The following CDC42BPB variants were observed in gnomAD, a reference collection of about 807,000 sequenced individuals.
CDC42BPB encodes serine/threonine-protein kinase MRCK beta.
CDC42BPB carries 37 observed loss-of-function variants against 214.9 expected under a neutral mutation model. The ratio of observed to expected loss-of-function variants is 0.17; its 90% confidence interval spans 0.13 to 0.23. The LOEUF (loss-of-function observed/expected upper bound fraction) is 0.23. Ranked by LOEUF, CDC42BPB falls within the 10% of genes least tolerant of loss-of-function variation. The pLI is 1.00. For missense variants in CDC42BPB, 1,694 were observed against 2,227.0 expected, an observed-to-expected ratio of 0.76 and a Z score of 4.82; for synonymous variants, 931 against 884.0, an observed-to-expected ratio of 1.05 and a Z score of -0.94.
At chr14:102,966,960 C>A in intron 17 of CDC42BPB, 86 bp downstream of exon 17, 1 of 1,478,876 alleles carries the variant, frequency 6.8e-7, no homozygotes, top group Non-Finnish European at 9.2e-7. Flanking sequence ...TGGCGTGGAG[C>A]ACAGGATCAG....
chr14:102,998,546 G>C (rs1050711010), intron 5 of CDC42BPB, among the ~76,000 whole-genome samples: 1 of 152,216 alleles, frequency 6.6e-6, no homozygotes, highest in Non-Finnish European at 1.5e-5. Flanking sequence ...CTGAATCTTT[G>C]AGTCTCAGGA....
At chr14:102,947,903 C>T in intron 26 of CDC42BPB, 101 bp from the exon 27 acceptor site, 1 of 1,589,128 alleles carries the variant, frequency 6.3e-7, no homozygotes, top group Non-Finnish European at 8.5e-7. Context: ...CCTTCCACCA[C>T]CGTGTTCTGC....
chr14:103,036,918 G>C, intron 1 of CDC42BPB, among the ~76,000 whole-genome samples: 1 of 152,028 alleles, frequency 6.6e-6, no homozygotes, highest in East Asian at 1.9e-4. Context: ...CCAGGCTCAA[G>C]CAATTCTCCT....
At chr14:103,036,085 A>G (rs1047021397) in intron 1 of CDC42BPB, among the ~76,000 whole-genome samples, 1 of 152,126 alleles carries the variant, frequency 6.6e-6, no homozygotes, top group Non-Finnish European at 1.5e-5. Context: ...CAGGAGGTCA[A>G]GGCTGCAGTG....
chr14:102,975,328 A>C (rs1051639803), intron 11 of CDC42BPB, among the ~76,000 whole-genome samples: 7 of 152,228 alleles, frequency 4.6e-5, no homozygotes, highest in Non-Finnish European at 7.3e-5. Flanking sequence ...GTTCGAGACC[A>C]GCCTGGCCAA....
intron 5 of CDC42BPB, among the ~76,000 whole-genome samples, chr14:102,995,701 C>T (rs1344355064): frequency 6.6e-6 from 1 of 152,236 alleles, no homozygotes; most frequent in Non-Finnish European, 1.5e-5. Flanking sequence ...CCCCACAGCA[C>T]CCGACTAACC....
Position 102,983,744 on chromosome 14 carries a change from C to T in CDC42BPB, c.703G>A (p.Val235Met), listed in dbSNP as rs1184748794. The change falls in exon 7 of 37, where the codon GTG (valine) becomes ATG (methionine). Residue 235 changes from valine (V) to methionine (M), a missense_variant. By Grantham distance (21) the Val-to-Met change is conservative. Around this residue, in one of 7 missense-constraint regions of CDC42BPB, gnomAD observed 225 missense variants for 459.3 expected, o/e 0.49. Transcript: ENST00000361246. ...ATGTAGTCAGGTGTGCCCACGGCCA[C>T]GGAGGACTGCACCTTAGGGGAGAAG... is the stretch of plus-strand genomic sequence containing the variant. ...MNDDGTVQSSVAVGTPDYISP... is the reference protein window; with the variant it reads ...MNDDGTVQSSMAVGTPDYISP... The T allele has an allele frequency of 4.3e-6, 7 of 1,612,896 alleles. No homozygotes were observed. The highest frequency in any genetic ancestry group is 1.1e-5 in the South Asian group (1 of 91,072).
At chr14:102,946,824 C>T (rs907372371) in intron 27 of CDC42BPB, 140 bp from the exon 28 acceptor site, 15 of 1,450,880 alleles carry the variant, frequency 1.0e-5, no homozygotes, top group African/African-American at 1.4e-5. Context: ...CCTGACTCCA[C>T]CTCGCTGGGC....
chr14:102,995,238 G>A lies in CDC42BPB; in HGVS notation c.596+4327C>T, dbSNP rs568246948. ...TCTCCAGGCTGGAGTGCAATGGCGC[G>A]ATCTCGGCTCACTGCAACCTCCACT... On this transcript the variant is annotated intron_variant, in intron 5 of 36. Coordinates refer to ENST00000361246, the MANE Select transcript of CDC42BPB (RefSeq NM_006035.4). Among the ~76,000 whole-genome samples, 466 of 151,474 alleles carry A rather than the reference G, an allele frequency of 3.1e-3. 5 individuals carry two copies. The highest frequency in any genetic ancestry group is 0.011 in the African/African-American group (449 of 41,216).
At chr14:103,009,065 A>G (rs1452491999) in intron 2 of CDC42BPB, among the ~76,000 whole-genome samples, 2 of 152,228 alleles carry the variant, frequency 1.3e-5, no homozygotes, top group African/African-American at 4.8e-5. Flanking sequence ...TGTCTGGTGC[A>G]TTCCACCCTA....
intron 7 of CDC42BPB, among the ~76,000 whole-genome samples, chr14:102,982,398 C>T (rs182179850): frequency 2.6e-3 from 389 of 152,300 alleles, no homozygotes; most frequent in Admixed American, 3.6e-3. Flanking sequence ...ATTCTGGGAT[C>T]TGTCATGTGC....
intron 21 of CDC42BPB, chr14:102,956,478 C>T: frequency 3.1e-6 from 3 of 967,186 alleles, no homozygotes; most frequent in Non-Finnish European, 3.7e-6. Flanking sequence ...CTAACAGACC[C>T]AGCCCCTGAT....
intron 3 of CDC42BPB, among the ~76,000 whole-genome samples, chr14:103,006,876 C>G (rs1566898495): frequency 1.3e-5 from 2 of 152,162 alleles, no homozygotes; most frequent in Admixed American, 1.3e-4. Flanking sequence ...ATGTACTCAT[C>G]CACCATGACA....
chr14:102,974,270 G>GT (rs540074623), intron 11 of CDC42BPB, 121 bp from the exon 12 acceptor site: 56 of 1,231,842 alleles, frequency 4.5e-5, no homozygotes, highest in Non-Finnish European at 5.6e-5. Flanking sequence ...TCATTCAGAG[G>GT]TTTTTTTACT....
Position 102,939,606 on chromosome 14 carries a change from G to T in CDC42BPB, c.4827+4C>A. ...TGCCCGCCCTATCCCGGCCGTGCACGCACCAGAGGCAGGTCCATGAGCACC... is the reference window on the plus strand; with the variant it reads ...TGCCCGCCCTATCCCGGCCGTGCACTCACCAGAGGCAGGTCCATGAGCACC... On this transcript the variant is annotated splice_donor_region_variant and intron_variant, in intron 34 of 36. Coordinates refer to ENST00000361246, the MANE Select transcript of CDC42BPB (RefSeq NM_006035.4). 6.2e-7 allele frequency: 1 copy of T among 1,606,304 alleles called. No homozygotes were observed. Among genetic ancestry groups the T allele is most frequent in the Middle Eastern group, 1.7e-4 (1 of 6,050 alleles).
rs1271203457 is a variant in CDC42BPB at position 103,056,987 on chromosome 14, G to A, written c.175+12C>T. On this transcript the variant is annotated intron_variant, in intron 1 of 36. Coordinates refer to ENST00000361246, the MANE Select transcript of CDC42BPB (RefSeq NM_006035.4). ...CAGAGCCGCAGGTCCGGCCCTGCCGGCGCGCACTTACCCCACTCGAGGAAC... is the reference window on the plus strand; with the variant it reads ...CAGAGCCGCAGGTCCGGCCCTGCCGACGCGCACTTACCCCACTCGAGGAAC... 1 of 1,415,230 alleles carries A rather than the reference G, an allele frequency of 7.1e-7. No homozygotes were observed. The highest frequency in any genetic ancestry group is 9.2e-7 in the Non-Finnish European group (1 of 1,081,926). The allele number at this position is 1,415,230 out of a possible 1,614,324, so 87.7% of individuals were successfully genotyped here.
rs112483526 is a variant in CDC42BPB, at chr14:102,997,604, G to A, written c.596+1961C>T. 2.5e-3 allele frequency among the ~76,000 whole-genome samples: 376 copies of A among 152,306 alleles called. 3 individuals are homozygous for A. The highest frequency in any genetic ancestry group is 8.2e-3 in the African/African-American group (341 of 41,560). ...ACAGCGCCAAGGAAAACCAGATCGA[G>A]ACTACCCGATGCATGTCCGGTACGG... On this transcript the variant is annotated intron_variant, in intron 5 of 36. Coordinates refer to ENST00000361246, the MANE Select transcript of CDC42BPB (RefSeq NM_006035.4).
At chr14:102,958,672 A>C (rs1892818063) in intron 21 of CDC42BPB, among the ~76,000 whole-genome samples, 1 of 152,014 alleles carries the variant, frequency 6.6e-6, no homozygotes, top group African/African-American at 2.4e-5. Flanking sequence ...CAAGTAGATG[A>C]CCAGCGGCTC....
intron 30 of CDC42BPB, chr14:102,941,220 G>A (rs761315659): frequency 9.4e-5 from 93 of 985,334 alleles, no homozygotes; most frequent in East Asian, 1.1e-4. Flanking sequence ...GCTGGGAGGC[G>A]GCAAGCCCCA....
Sources: allele counts gnomAD v4.1 joint callset (sites outside exome capture counted in the v4.1 genomes callset), GRCh38; gene constraint gnomAD v4.1.1; regional missense constraint gnomAD v4.1.1; transcripts MANE v1.5; gene names NCBI Gene and HGNC (gene_info 2026-07-23, HGNC 2026-07-21).